The following CACNA2D3 variants were observed in gnomAD, a reference collection of about 807,000 sequenced individuals.
CACNA2D3 encodes the protein calcium voltage-gated channel auxiliary subunit alpha2delta 3.
Under a neutral mutation model 160.6 loss-of-function variants are expected in CACNA2D3, and 60 were observed. That is an observed-to-expected ratio of 0.37 (90% CI 0.30 to 0.46). The LOEUF (loss-of-function observed/expected upper bound fraction) is 0.46, where lower values mean the gene tolerates loss of function less well. Ranked by LOEUF, CACNA2D3 falls within the 20% of genes least tolerant of loss-of-function variation. CACNA2D3 has a pLI of 1.00. For synonymous variants in CACNA2D3, 558 were observed against 492.9 expected, an observed-to-expected ratio of 1.13 and a Z score of -1.75; for missense variants, 1,205 against 1,365.0, an observed-to-expected ratio of 0.88 and a Z score of 1.85.
intron 11 of CACNA2D3, among the ~76,000 whole-genome samples, chr3:54,717,514 GTGTGTGTGTGT>G (rs1701072348): frequency 6.6e-6 from 1 of 150,778 alleles, no homozygotes; most frequent in South Asian, 2.1e-4. Context: ...CTGTGTATGC[GTGTGTGTGTGT>G]GGTGTGTGTG....
At chr3:54,455,523 T>C (rs1171578675) in intron 4 of CACNA2D3, among the ~76,000 whole-genome samples, 2 of 152,136 alleles carry the variant, frequency 1.3e-5, no homozygotes. Context: ...TTTTGGAGGT[T>C]GTCTTTTCAC....
At chr3:54,450,056 A>C in intron 4 of CACNA2D3, among the ~76,000 whole-genome samples, 1 of 151,822 alleles carries the variant, frequency 6.6e-6, no homozygotes, top group Non-Finnish European at 1.5e-5. Flanking sequence ...ACCCGTTGTA[A>C]GCTAAGTCAA....
At chr3:54,285,143 C>A (rs553139891) in intron 2 of CACNA2D3, among the ~76,000 whole-genome samples, 2 of 152,274 alleles carry the variant, frequency 1.3e-5, no homozygotes, top group African/African-American at 4.8e-5. Flanking sequence ...TTGTCTCACT[C>A]GGGAAGCGCA....
intron 3 of CACNA2D3, among the ~76,000 whole-genome samples, chr3:54,371,999 G>A (rs912790953): frequency 6.6e-6 from 1 of 152,166 alleles, no homozygotes; most frequent in Non-Finnish European, 1.5e-5. Flanking sequence ...CTCTGTGTAT[G>A]AGTTATAACA....
chr3:54,332,217 A>G (rs563407007), intron 3 of CACNA2D3, among the ~76,000 whole-genome samples: 4 of 152,220 alleles, frequency 2.6e-5, no homozygotes, highest in African/African-American at 4.8e-5. Context: ...AATTAGCCCC[A>G]TGTATCCTTC....
chr3:54,277,269 T>C (rs1702769185), intron 2 of CACNA2D3, among the ~76,000 whole-genome samples: 1 of 152,246 alleles, frequency 6.6e-6, no homozygotes, highest in Non-Finnish European at 1.5e-5. Flanking sequence ...AGGTCTTATG[T>C]TTAAGTCTTT....
chr3:54,690,033 A>C (rs1296202356), intron 11 of CACNA2D3, among the ~76,000 whole-genome samples: 1 of 151,992 alleles, frequency 6.6e-6, no homozygotes, highest in African/African-American at 2.4e-5. Context: ...TCCTGCCTCT[A>C]CAACTTTGCA....
At chr3:54,391,833 A>G (rs1262827773) in intron 4 of CACNA2D3, among the ~76,000 whole-genome samples, 1 of 152,064 alleles carries the variant, frequency 6.6e-6, no homozygotes, top group African/African-American at 2.4e-5. Flanking sequence ...TTTCTTGTGG[A>G]CACTGGTGTC....
intron 35 of CACNA2D3, among the ~76,000 whole-genome samples, chr3:55,058,423 G>A (rs1025759824): frequency 2.6e-5 from 4 of 152,034 alleles, no homozygotes; most frequent in African/African-American, 9.7e-5. Context: ...TTCCTTCTGG[G>A]GAGAACCCAC....
At chr3:54,658,612 A>T (rs546326991) in intron 11 of CACNA2D3, among the ~76,000 whole-genome samples, 1 of 152,350 alleles carries the variant, frequency 6.6e-6, no homozygotes, top group East Asian at 1.9e-4. Context: ...CTTGGAGATG[A>T]CACCAGAAGC....
chr3:54,910,307 TTC>T (rs969847296), intron 27 of CACNA2D3, among the ~76,000 whole-genome samples: 42 of 152,232 alleles, frequency 2.8e-4, no homozygotes, highest in African/African-American at 9.4e-4. Flanking sequence ...GTCAAAAGTA[TTC>T]TGTTACATTA....
intron 17 of CACNA2D3, among the ~76,000 whole-genome samples, chr3:54,859,104 C>T (rs982313120): frequency 2.0e-5 from 3 of 152,176 alleles, no homozygotes; most frequent in South Asian, 4.1e-4. Context: ...GACCCAACCT[C>T]GCGGGGTTAA....
At chr3:54,477,273 C>T (rs551419266) in intron 4 of CACNA2D3, among the ~76,000 whole-genome samples, 45 of 151,834 alleles carry the variant, frequency 3.0e-4, no homozygotes, top group Admixed American at 4.6e-4. Flanking sequence ...TAAATGAGGC[C>T]CATAATGAAT....
intron 2 of CACNA2D3, among the ~76,000 whole-genome samples, chr3:54,157,882 A>C (rs1432474289): frequency 1.3e-5 from 2 of 152,052 alleles, no homozygotes; most frequent in Non-Finnish European, 2.9e-5. Context: ...ATCTGTGCAA[A>C]GATTCTTAGT....
At chr3:54,897,571 C>T (rs888318919) in intron 26 of CACNA2D3, among the ~76,000 whole-genome samples, 4 of 151,990 alleles carry the variant, frequency 2.6e-5, no homozygotes, top group African/African-American at 4.8e-5. Context: ...ATTGCAGAAA[C>T]TTGAGAGATG....
chr3:54,466,165 T>G (rs1700622072), intron 4 of CACNA2D3, among the ~76,000 whole-genome samples: 1 of 152,196 alleles, frequency 6.6e-6, no homozygotes, highest in Non-Finnish European at 1.5e-5. Flanking sequence ...AGACTTTAAT[T>G]TCATCTGCAA....
intron 35 of CACNA2D3, among the ~76,000 whole-genome samples, chr3:55,068,147 C>CCTTATTGG (rs1704711974): frequency 6.6e-6 from 1 of 152,224 alleles, no homozygotes; most frequent in South Asian, 2.1e-4. Context: ...AAGGTGCCTG[C>CCTTATTGG]AGCCAGCACA....
intron 5 of CACNA2D3, among the ~76,000 whole-genome samples, chr3:54,522,842 A>C (rs886301751): frequency 2.0e-5 from 3 of 152,198 alleles, no homozygotes; most frequent in African/African-American, 7.2e-5. Context: ...ATCTCTCAAC[A>C]CTGTTGTATT....
At chr3:54,619,788 T>C (rs1698942118) in intron 9 of CACNA2D3, among the ~76,000 whole-genome samples, 1 of 31,320 alleles carries the variant, frequency 3.2e-5, no homozygotes, top group Non-Finnish European at 7.4e-5. Flanking sequence ...ATATGTGCCT[T>C]ACCTACAAGA....
Sources: allele counts gnomAD v4.1 joint callset (sites outside exome capture counted in the v4.1 genomes callset), GRCh38; gene constraint gnomAD v4.1.1; transcripts MANE v1.5; gene names NCBI Gene and HGNC (gene_info 2026-07-23, HGNC 2026-07-21).